GMPS: variants seen among roughly 807,000 people sequenced by gnomAD.
GMPS encodes the protein GMP synthase [glutamine-hydrolyzing].
Under a neutral mutation model 77.9 loss-of-function variants are expected in GMPS, and 15 were observed. The ratio of observed to expected loss-of-function variants is 0.19; its 90% CI spans 0.13 to 0.30. GMPS has a LOEUF of 0.30. GMPS is among the 10% of genes least tolerant of loss of function. The pLI is 1.00. For synonymous variants in GMPS, 224 were observed against 275.9 expected (o/e 0.81, Z 1.86); for missense variants, 590 against 838.8 (o/e 0.70, Z 3.66).
rs199544622 is a variant in GMPS at position 155,922,165 on chromosome 3, C to G, written c.1319-22C>G. 1.7e-4 allele frequency: 155 copies of G among 895,904 alleles called. No individual in the cohort carries two copies. The African/African-American group carries it at 2.5e-3, about 14-fold the overall frequency. The allele number at this position is 895,904 out of a possible 1,614,324, so 55.5% of individuals were successfully genotyped here. ...AGAAATATAACATTAATGTTAAATA[C>G]TATTATTACTCCTACCTTTAGGTCC... On this transcript the variant is annotated intron_variant, in intron 10 of 15. Transcript: ENST00000496455.
chr3:155,896,945 C>G (rs1754620386), intron 2 of GMPS, among the ~76,000 whole-genome samples: 1 of 151,964 alleles, frequency 6.6e-6, no homozygotes, highest in South Asian at 2.1e-4. Flanking sequence ...TCTGCAAACT[C>G]AAAGTGAGTT....
chr3:155,912,538 A>C (rs1755069528), intron 7 of GMPS, among the ~76,000 whole-genome samples: 1 of 152,222 alleles, frequency 6.6e-6, no homozygotes, highest in Non-Finnish European at 1.5e-5. Flanking sequence ...GCATTTTGAA[A>C]TCAGGCTAAG....
At position 155,935,038 on chromosome 3, in the gene GMPS, G is replaced by A. The variant is rs772373684; in HGVS notation, c.1799G>A (p.Arg600Lys). The part of the protein sequence containing the change: ...QADFEAHNIL[R>K]ESGYAGKISQ... ...GATTTTGAGGCCCATAACATTCTCA[G>A]GGAGTCTGGTAAGTTGCTCATGTTT... The change falls in exon 14 of 16, where the codon AGG becomes AAG. Residue 600 changes from arginine to lysine, a missense_variant. By Grantham distance (26) the Arg-to-Lys change is conservative (BLOSUM62 2). This residue lies in a region of GMPS where 73 missense variants were observed against 170.5 expected (regional missense o/e 0.43). Transcript: ENST00000496455. The A allele has an allele frequency of 8.7e-6, 14 of 1,609,360 alleles. No homozygotes were observed. Among genetic ancestry groups the A allele is most frequent in the South Asian group, 3.3e-5 (3 of 91,002 alleles).
In GMPS at chr3:155,912,742, T is replaced by C. The variant is rs1755073485; in HGVS notation, c.886+1463T>C. On this transcript the variant is annotated intron_variant, in intron 7 of 15. Transcript: ENST00000496455. ...TTGGATCTGTCCCTGGTAACTGACA[T>C]AGCAGAATGGAGGAATTCACAACCT... Among the ~76,000 whole-genome samples the C allele has an allele frequency of 2.6e-5, 4 of 152,264 alleles. No homozygotes were observed. In the South Asian group the frequency reaches 8.3e-4, roughly 32 times the overall value.
At chr3:155,924,184 C>G (rs1413305848) in intron 11 of GMPS, among the ~76,000 whole-genome samples, 1 of 152,138 alleles carries the variant, frequency 6.6e-6, no homozygotes, top group African/African-American at 2.4e-5. Context: ...CGGCTGAGAA[C>G]CATTGTTTTA....
intron 8 of GMPS, 139 bp from the exon 9 acceptor site, chr3:155,915,880 A>T (rs1226050331): frequency 1.6e-6 from 1 of 624,816 alleles, no homozygotes; most frequent in Non-Finnish European, 2.8e-6. Context: ...TTCATTAAGG[A>T]GTTTATTTTG....
intron 9 of GMPS, 62 bp downstream of exon 9, chr3:155,916,254 C>T: frequency 1.0e-6 from 1 of 967,578 alleles, no homozygotes; most frequent in Non-Finnish European, 1.6e-6. Context: ...ATTCTTCCCT[C>T]CTCTTCCCTC....
At chr3:155,908,871 G>A (rs1434894204) in intron 5 of GMPS, among the ~76,000 whole-genome samples, 9 of 152,092 alleles carry the variant, frequency 5.9e-5, no homozygotes, top group Admixed American at 5.9e-4. Context: ...ATAAATTTGG[G>A]GGTTTACCAG....
chr3:155,940,747 T>G lies in GMPS; in HGVS notation c.*3055T>G, dbSNP rs555690513. On this transcript the variant is annotated 3_prime_UTR_variant, in exon 16 of 16. Coordinates refer to ENST00000496455, the MANE Select transcript of GMPS (RefSeq NM_003875.3). ...ATGGAGAAGCTGGATAGTGTTTTTTTTTTTTTTTTTTAAGGTTCTTTTATC... is the reference window on the plus strand; with the variant it reads ...ATGGAGAAGCTGGATAGTGTTTTTTGTTTTTTTTTTTAAGGTTCTTTTATC... 6.3e-5 allele frequency: 14 copies of G among 222,624 alleles called. No individual in the cohort carries two copies. The highest frequency in any genetic ancestry group is 9.9e-5 in the Non-Finnish European group (11 of 111,622). The allele number at this position is 222,624 out of a possible 1,614,324, so 13.8% of individuals were successfully genotyped here. A position where few individuals can be genotyped will look rare whatever the true frequency, so the allele number is the denominator to read the frequency against.
upstream of GMPS, chr3:155,870,606 G>A (rs945698111): frequency 2.2e-6 from 1 of 444,684 alleles, no homozygotes; most frequent in Admixed American, 4.5e-5. Flanking sequence ...ACGGGCTCTG[G>A]CTCCTCCCAG....
intron 2 of GMPS, 44 bp from the exon 3 acceptor site, chr3:155,897,883 A>G (rs1441152700): frequency 7.2e-6 from 7 of 978,870 alleles, no homozygotes; most frequent in Admixed American, 1.7e-5. Context: ...GACCTTGTAT[A>G]AAAATTAACA....
At chr3:155,931,437 C>T (rs1014977163) in intron 12 of GMPS, among the ~76,000 whole-genome samples, 1 of 152,038 alleles carries the variant, frequency 6.6e-6, no homozygotes, top group Non-Finnish European at 1.5e-5. Flanking sequence ...CTGCCCACCT[C>T]GGCCTCCCAA....
chr3:155,934,301 A>G (rs1755705856), intron 13 of GMPS, among the ~76,000 whole-genome samples: 1 of 152,222 alleles, frequency 6.6e-6, no homozygotes, highest in Non-Finnish European at 1.5e-5. Context: ...ATTCTCTCAC[A>G]GTTTAGGAGG....
At chr3:155,888,643 TG>T (rs1465053941) in intron 1 of GMPS, among the ~76,000 whole-genome samples, 1 of 151,064 alleles carries the variant, frequency 6.6e-6, no homozygotes, top group African/African-American at 2.4e-5. Flanking sequence ...TGGGGTGCAA[TG>T]GTGTGATCTC....
In GMPS at chr3:155,910,884, T is replaced by C; in HGVS notation, c.719T>C (p.Leu240Ser). 6.4e-7 allele frequency: 1 copy of C among 1,564,220 alleles called. No individual in the cohort carries two copies. The highest frequency in any genetic ancestry group is 8.6e-7 in the Non-Finnish European group (1 of 1,156,870). ...GAGAGAGTAGGCACGTCAAAAGTTT[T>C]GGTAAGCAAATTATTATCTGGAAGT... The part of the protein sequence containing the change: ...IKERVGTSKV[L>S]VLLSGGVDST... Residue 240 changes from leucine (L) to serine (S), a missense_variant and splice_region_variant, in exon 6 of 16, where the codon TTG becomes TCG. Physicochemically the swap from Leu to Ser is moderately radical, Grantham distance 145. This residue lies in a region of GMPS where 181 missense variants were observed against 186.8 expected (regional missense o/e 0.97). Coordinates refer to ENST00000496455, the MANE Select transcript of GMPS (RefSeq NM_003875.3).
chr3:155,871,352 G>A (rs866250676), intron 1 of GMPS, among the ~76,000 whole-genome samples: 8 of 152,254 alleles, frequency 5.3e-5, no homozygotes, highest in Middle Eastern at 3.4e-3. Context: ...GGGCAGGGTC[G>A]GGGCCTCCTG....
intron 1 of GMPS, among the ~76,000 whole-genome samples, chr3:155,885,493 T>C (rs1754315372): frequency 6.6e-6 from 1 of 152,156 alleles, no homozygotes; most frequent in African/African-American, 2.4e-5. Flanking sequence ...GTAGATCTAA[T>C]ATTGTACATT....
At chr3:155,908,651 A>G (rs1449623942) in intron 5 of GMPS, among the ~76,000 whole-genome samples, 1 of 152,154 alleles carries the variant, frequency 6.6e-6, no homozygotes, top group African/African-American at 2.4e-5. Context: ...TGGAGTGGGG[A>G]AGAAAAAGTA....
At chr3:155,907,432 T>A (rs909033573) in intron 5 of GMPS, among the ~76,000 whole-genome samples, 10 of 151,914 alleles carry the variant, frequency 6.6e-5, no homozygotes, top group Admixed American at 1.3e-4. Flanking sequence ...AAAATAATTT[T>A]AAAAAAATTA....
Sources: allele counts gnomAD v4.1 joint callset (sites outside exome capture counted in the v4.1 genomes callset), GRCh38; gene constraint gnomAD v4.1.1; regional missense constraint gnomAD v4.1.1; transcripts MANE v1.5; gene names NCBI Gene and HGNC (gene_info 2026-07-23, HGNC 2026-07-21).